The following AQR variants were observed in gnomAD, a reference collection of about 807,000 sequenced individuals.
AQR encodes the protein aquarius intron-binding spliceosomal factor.
Under a neutral mutation model 180.5 loss-of-function variants are expected in AQR, and 61 were observed. The observed-to-expected ratio is 0.34, with a 90% CI of 0.28 to 0.42. AQR has a LOEUF of 0.42. Among genes scored for constraint, AQR ranks in the 10% least tolerant of loss-of-function variants. The probability of loss-of-function intolerance (pLI) is 1.00; values close to 1 mark genes in which losing one functional copy is unlikely to be tolerated. For missense variants in AQR, 1,281 were observed against 1,798.3 expected, an observed-to-expected ratio of 0.71 and a Z score of 5.20; for synonymous variants, 551 against 588.8, an observed-to-expected ratio of 0.94 and a Z score of 0.93.
chr15:34,872,959 T>C (rs911647120), intron 30 of AQR, among the ~76,000 whole-genome samples: 17 of 152,168 alleles, frequency 1.1e-4, no homozygotes, highest in Non-Finnish European at 2.4e-4. Flanking sequence ...TGTATTTCTA[T>C]ATGTATGTAT....
At chr15:34,915,438 C>T (rs867606946) in intron 15 of AQR, among the ~76,000 whole-genome samples, 2 of 151,630 alleles carry the variant, frequency 1.3e-5, no homozygotes, top group Non-Finnish European at 2.9e-5. Flanking sequence ...GATCTGCCCA[C>T]CTTGGCCTCC....
At chr15:34,913,803 C>T (rs1893535670) in intron 16 of AQR, among the ~76,000 whole-genome samples, 1 of 152,114 alleles carries the variant, frequency 6.6e-6, no homozygotes, top group South Asian at 2.1e-4. Flanking sequence ...AAACAATGGG[C>T]AACAATTTCA....
At chr15:34,886,826 A>G (rs529511503) in intron 24 of AQR, among the ~76,000 whole-genome samples, 165 bp from the exon 25 acceptor site, 15 of 152,156 alleles carry the variant, frequency 9.9e-5, no homozygotes, top group Admixed American at 8.5e-4. Context: ...ACTTTACACA[A>G]AAGCTACTTA....
rs1239970241 is a variant in AQR at position 34,914,673 on chromosome 15, C to CT, written c.1484+364dup. Among the ~76,000 whole-genome samples the CT allele has an allele frequency of 2.0e-5, 3 of 152,284 alleles. No individual in the cohort carries two copies. In the East Asian group the frequency reaches 5.8e-4, roughly 29 times the overall value. On this transcript the variant is annotated intron_variant, in intron 16 of 34. Transcript: ENST00000156471. The stretch of plus-strand genomic sequence containing the variant: ...CCTTTATCATAAGCTTCCTCCAGGA[C>CT]TTAAACTGTTCTGACCTAGTACGGG...
chr15:34,874,104 A>G, intron 29 of AQR, 105 bp from the exon 30 acceptor site: 1 of 1,201,216 alleles, frequency 8.3e-7, no homozygotes, highest in Non-Finnish European at 1.1e-6. Flanking sequence ...TTAAATTTTC[A>G]TGTTAGCCAT....
Position 34,920,424 on chromosome 15 carries a change from G to C in AQR, c.1129C>G (p.Leu377Val). 6 of 1,612,466 alleles carry C rather than the reference G, an allele frequency of 3.7e-6. No homozygotes were observed. The highest frequency in any genetic ancestry group is 4.2e-6 in the Non-Finnish European group (5 of 1,178,954). ...KFFGPLSSNT[L>V]HQVASYLCLL... ...CAGAGGTATGATGCCACCTGGTGGA[G>C]TGTGTTTGAACTGCAGAATAGAGAA... Residue 377 changes from leucine (L) to valine (V), a missense_variant, in exon 14 of 35, where the codon CTC (leucine) becomes GTC (valine). By Grantham distance (32) the Leu-to-Val change is conservative (BLOSUM62 1). Around this residue, in one of 9 missense-constraint regions of AQR, gnomAD observed 404 missense variants for 490.9 expected, o/e 0.82. Coordinates refer to ENST00000156471, the MANE Select transcript of AQR (RefSeq NM_014691.3).
intron 23 of AQR, among the ~76,000 whole-genome samples, chr15:34,892,928 T>C (rs1267881835): frequency 6.6e-6 from 1 of 152,220 alleles, no homozygotes; most frequent in African/African-American, 2.4e-5. Context: ...AAAGTCAAAA[T>C]ATTACAGGTC....
At chr15:34,948,448 C>T (rs1252130738) in intron 4 of AQR, 64 bp from the exon 5 acceptor site, 12 of 1,521,644 alleles carry the variant, frequency 7.9e-6, no homozygotes, top group Admixed American at 2.1e-5. Context: ...ATACATAACT[C>T]ACCCAGAAAA....
chr15:34,883,386 T>C (rs1448934827), intron 26 of AQR, among the ~76,000 whole-genome samples: 2 of 152,158 alleles, frequency 1.3e-5, no homozygotes, highest in Non-Finnish European at 2.9e-5. Flanking sequence ...AATTAAAATA[T>C]TACACATATA....
At chr15:34,889,773 C>T (rs972925119) in intron 24 of AQR, among the ~76,000 whole-genome samples, 7 of 152,032 alleles carry the variant, frequency 4.6e-5, no homozygotes, top group Non-Finnish European at 8.8e-5. Context: ...CGGGTTACAG[C>T]GATTCTCCTG....
chr15:34,884,902 T>G (rs746199697), intron 25 of AQR, among the ~76,000 whole-genome samples, 168 bp from the exon 26 acceptor site: 4 of 152,204 alleles, frequency 2.6e-5, no homozygotes, highest in Non-Finnish European at 5.9e-5. Context: ...GACAGATTGC[T>G]CTTCTGTTAT....
rs375191951 is a variant in AQR at position 34,900,883 on chromosome 15, A to G, written c.2002-20T>C. 3.8e-6 allele frequency: 6 copies of G among 1,569,028 alleles called. No individual in the cohort carries two copies. In the East Asian group the frequency reaches 1.4e-4, roughly 35 times the overall value. The stretch of plus-strand genomic sequence containing the variant: ...CACAGCCTGTCAGTAAAAGGACAGA[A>G]AAAGATTGTGTCAGTATGACATCTC... On this transcript the variant is annotated intron_variant, in intron 19 of 34. Transcript: ENST00000156471.
intron 34 of AQR, among the ~76,000 whole-genome samples, chr15:34,859,613 T>G (rs1462305790): frequency 6.6e-6 from 1 of 152,186 alleles, no homozygotes. Context: ...GAATACATAC[T>G]GTATGCTTCC....
At chr15:34,943,009 T>C (rs1249540962) in intron 6 of AQR, 4 of 1,475,254 alleles carry the variant, frequency 2.7e-6, no homozygotes, top group Non-Finnish European at 3.7e-6. Flanking sequence ...CATCTATTTA[T>C]ATTTCTATTT....
intron 32 of AQR, among the ~76,000 whole-genome samples, chr15:34,867,315 A>T (rs1232144440): frequency 6.6e-6 from 1 of 152,190 alleles, no homozygotes; most frequent in East Asian, 1.9e-4. Flanking sequence ...AAAACTTAAA[A>T]TTACTAAAAC....
chr15:34,954,921 G>T (rs1025249857), intron 3 of AQR, among the ~76,000 whole-genome samples: 1 of 152,058 alleles, frequency 6.6e-6, no homozygotes, highest in Non-Finnish European at 1.5e-5. Flanking sequence ...TCAGGGGTTC[G>T]AGACCAGCAT....
At chr15:34,874,511 T>C (rs1370071068) in intron 29 of AQR, 166 bp downstream of exon 29, 3 of 638,856 alleles carry the variant, frequency 4.7e-6, no homozygotes, top group Non-Finnish European at 7.9e-6. Flanking sequence ...ATTTGGTCCA[T>C]TCACATCTCT....
At chr15:34,950,636 T>C (rs1157404410) in intron 4 of AQR, among the ~76,000 whole-genome samples, 1 of 152,200 alleles carries the variant, frequency 6.6e-6, no homozygotes, top group Non-Finnish European at 1.5e-5. Context: ...TTAAACATAA[T>C]GACTTGACAG....
intron 4 of AQR, among the ~76,000 whole-genome samples, chr15:34,949,604 A>G (rs1894184992): frequency 7.2e-5 from 2 of 27,944 alleles, no homozygotes; most frequent in South Asian, 1.7e-3. Flanking sequence ...AGACTCCGTC[A>G]CAAAAAAAAA....
Sources: gnomAD v4.1 joint callset for allele counts (sites outside exome capture counted in the v4.1 genomes callset) on GRCh38, gnomAD v4.1.1 for gene constraint, gnomAD v4.1.1 regional missense constraint, MANE v1.5 for transcripts, NCBI Gene and HGNC (gene_info 2026-07-23, HGNC 2026-07-21) for gene names.